COX15: variants seen among roughly 807,000 people sequenced by gnomAD.
The protein encoded by COX15 is cytochrome c oxidase assembly factor COX15.
In COX15, 51 loss-of-function variants were observed where a neutral mutation model predicts 51.9. That is an observed-to-expected ratio of 0.98 (90% CI 0.78 to 1.24). COX15 has a LOEUF of 1.24. Ranked by LOEUF, COX15 falls within the 50% of genes most tolerant of loss-of-function variation. The probability of loss-of-function intolerance (pLI) is 0.00; values close to 1 mark genes in which losing one functional copy is unlikely to be tolerated. For missense variants in COX15, 420 were observed against 501.1 expected, an observed-to-expected ratio of 0.84 and a Z score of 1.55; for synonymous variants, 188 against 190.5, an observed-to-expected ratio of 0.99 and a Z score of 0.11.
rs780790755 is a variant in COX15 at position 99,729,726 on chromosome 10, G to A, written c.99C>T (p.Cys33=). ...GCCCTGGCCTCAAAGGGCGCCTGATGCAATCACACTAAAGATCAAGATAGA... is the reference window on the plus strand; with the variant it reads ...GCCCTGGCCTCAAAGGGCGCCTGATACAATCACACTAAAGATCAAGATAGA... ...PRAAPRAQCD[C]IRRPLRPGQY... Residue 33 remains cysteine, a synonymous_variant, in exon 2 of 9, where the codon TGC becomes TGT. Transcript: ENST00000016171. The A allele has an allele frequency of 1.2e-6, 2 of 1,614,088 alleles. No individual in the cohort carries two copies. The highest frequency in any genetic ancestry group is 2.2e-5 in the South Asian group (2 of 91,086).
At chr10:99,718,614 GAAT>G in intron 6 of COX15, 114 bp from the exon 7 acceptor site, 1 of 1,078,552 alleles carries the variant, frequency 9.3e-7, no homozygotes, top group Non-Finnish European at 1.4e-6. Context: ...AACAGTCAGA[GAAT>G]AATAGACATA....
chr10:99,716,484 C>T (rs1354763630), intron 7 of COX15, 23 bp from the exon 8 acceptor site: 1 of 1,533,026 alleles, frequency 6.5e-7, no homozygotes, highest in Non-Finnish European at 9.0e-7. Flanking sequence ...AAGAGTCTAT[C>T]ACATTAGATA....
intron 5 of COX15, 80 bp from the exon 6 acceptor site, chr10:99,721,148 C>T: frequency 8.9e-7 from 1 of 1,119,154 alleles, no homozygotes; most frequent in Non-Finnish European, 1.3e-6. Context: ...AGGCCAAACC[C>T]AAGTGACAAA....
At chr10:99,724,232 G>A (rs2036873782) in intron 4 of COX15, 109 bp from the exon 5 acceptor site, 4 of 1,271,568 alleles carry the variant, frequency 3.1e-6, no homozygotes, top group Non-Finnish European at 4.5e-6. Flanking sequence ...CACCAGGCTG[G>A]AGTGCAGTGG....
At chr10:99,702,461 T>G in the COX15 span, 1 of 1,454,050 alleles carries the variant, frequency 6.9e-7, no homozygotes, top group Non-Finnish European at 9.2e-7. Flanking sequence ...CAAAGGAAAG[T>G]ATTAGAATTC....
chr10:99,722,147 T>G (rs995414160), intron 5 of COX15, among the ~76,000 whole-genome samples: 2 of 152,178 alleles, frequency 1.3e-5, no homozygotes, highest in Non-Finnish European at 1.5e-5. Flanking sequence ...ATTACAGGTG[T>G]GAGCCACCGT....
chr10:99,706,329 T>G (rs1398339941), downstream of COX15: 1 of 134,394 alleles, frequency 7.4e-6, no homozygotes, highest in East Asian at 2.0e-4. Context: ...ATGCAAAGAC[T>G]CTGTTCCTTT....
Position 99,714,735 on chromosome 10 carries a change from A to T in COX15, c.1102-17T>A. ...CAAGCCCACCTGTCACAAAGGAAAG[A>T]AGGCAATAGGAAAGGCAGTAACCCA... On this transcript the variant is annotated splice_polypyrimidine_tract_variant and intron_variant, in intron 8 of 8. Transcript: ENST00000016171. 1 of 1,612,432 alleles carries T rather than the reference A, an allele frequency of 6.2e-7. No homozygotes were observed.
chr10:99,710,747 T>C, downstream of COX15: 1 of 985,390 alleles, frequency 1.0e-6, no homozygotes, highest in Non-Finnish European at 1.2e-6. Context: ...CCTAAAATCA[T>C]GATTATCAGT....
At chr10:99,722,502 T>G (rs142336810) in intron 5 of COX15, among the ~76,000 whole-genome samples, 1 of 152,188 alleles carries the variant, frequency 6.6e-6, no homozygotes, top group African/African-American at 2.4e-5. Flanking sequence ...TAAGATGAAT[T>G]CATTTTAGAA....
In COX15 at chr10:99,726,017, C is replaced by G. The variant is rs562752455; in HGVS notation, c.582+951G>C. ...GTGTCTTCTCTTTTAATTTGTTGCT[C>G]AGTTTCACCCAACTTTTTTTTTTTC... On this transcript the variant is annotated intron_variant, in intron 4 of 8. Coordinates refer to ENST00000016171, the MANE Select transcript of COX15 (RefSeq NM_078470.6). 3.3e-5 allele frequency among the ~76,000 whole-genome samples: 5 copies of G among 152,242 alleles called. No homozygotes were observed. In the South Asian group the frequency reaches 1.0e-3, roughly 32 times the overall value.
Position 99,729,412 on chromosome 10 carries a change from A to T in COX15, c.272+141T>A, listed in dbSNP as rs2037063353. The T allele has an allele frequency of 4.5e-6, 4 of 888,122 alleles. No homozygotes were observed. In the East Asian group the frequency reaches 9.9e-5, roughly 22 times the overall value. 55.0% of individuals were successfully genotyped at this position (888,122 alleles called of 1,614,324 possible). ...GAGACGGAGGTTGCAGTCAGCCGAG[A>T]TCACACCACTGCACTCCAGCCTGGC... On this transcript the variant is annotated intron_variant, in intron 2 of 8. Transcript: ENST00000016171.
Position 99,711,280 on chromosome 10 carries a change from G to C in COX15, c.*3307C>G, listed in dbSNP as rs984557435. The C allele has an allele frequency of 1.0e-6, 1 of 985,298 alleles. No homozygotes were observed. The highest frequency in any genetic ancestry group is 1.7e-5 in the African/African-American group (1 of 57,222). The allele number at this position is 985,298 out of a possible 1,614,324, so 61.0% of individuals were successfully genotyped here. On this transcript the variant is annotated 3_prime_UTR_variant, in exon 9 of 9. Transcript: ENST00000016171. The stretch of plus-strand genomic sequence containing the variant: ...TGCTACTTCCTTGGAGGCAACTGTA[G>C]AAGCATTAATATATGGTTCTTTGGG...
At chr10:99,698,515 G>A in the COX15 span, 5 of 1,608,220 alleles carry the variant, frequency 3.1e-6, no homozygotes, top group Admixed American at 8.4e-5. Context: ...TTGTTTGTTT[G>A]TTTTTGTCAT....
At position 99,716,369 on chromosome 10, in the gene COX15, C is replaced by CAG; in HGVS notation, c.1078_1079dup (p.Leu361CysfsTer17). 3 of 1,613,350 alleles carry CAG rather than the reference C, an allele frequency of 1.9e-6. No homozygotes were observed. Among genetic ancestry groups the CAG allele is most frequent in the Non-Finnish European group, 2.5e-6 (3 of 1,179,452 alleles). ...ATACCTGTGTATACGCCAAAGCCAG[C>CAG]AGAGTCACTGCTGCCATCTTGGTCC... is the stretch of plus-strand genomic sequence containing the variant. On this transcript the variant is annotated frameshift_variant, in exon 8 of 9. Transcript: ENST00000016171. LOFTEE classifies it high-confidence loss of function.
At chr10:99,703,450 A>C in the COX15 span, among the ~76,000 whole-genome samples, 2 of 152,240 alleles carry the variant, frequency 1.3e-5, no homozygotes, top group African/African-American at 2.4e-5. Context: ...AGCATTTGCC[A>C]GTTCTCATCT....
chr10:99,696,056 T>C, the COX15 span: 1 of 1,614,236 alleles, frequency 6.2e-7, no homozygotes. Flanking sequence ...TTTCTGGGTT[T>C]CGGAGGCAAC....
At chr10:99,708,674 G>A (rs61870398), downstream of COX15, 3,863 of 311,340 alleles carry the variant, frequency 0.012, 42 homozygotes, top group Non-Finnish European at 0.016. Context: ...TGATGATAAG[G>A]TTGGTGGGAA....
intron 1 of COX15, among the ~76,000 whole-genome samples, chr10:99,731,265 G>C (rs1001760149): frequency 6.6e-6 from 1 of 152,114 alleles, no homozygotes; most frequent in African/African-American, 2.4e-5. Flanking sequence ...GCAGTGTCCG[G>C]TCAGTCTTGC....
Sources: allele counts gnomAD v4.1 joint callset (sites outside exome capture counted in the v4.1 genomes callset), GRCh38; gene constraint gnomAD v4.1.1; transcripts MANE v1.5; gene names NCBI Gene and HGNC (gene_info 2026-07-23, HGNC 2026-07-21).